AMZ1: variants seen among roughly 807,000 people sequenced by gnomAD.
AMZ1 encodes archaemetzincin-1.
Under a neutral mutation model 29.9 loss-of-function variants are expected in AMZ1, and 39 were observed. That is an observed-to-expected ratio of 1.30 (90% CI 1.01 to 1.70). AMZ1 has a LOEUF of 1.70. Ranked by LOEUF, AMZ1 falls within the 40% of genes most tolerant of loss-of-function variation. The probability of loss-of-function intolerance (pLI) is 0.00; values close to 1 mark genes in which losing one functional copy is unlikely to be tolerated. For synonymous variants in AMZ1, 458 were observed against 304.0 expected, an observed-to-expected ratio of 1.51 and a Z score of -5.27; for missense variants, 1,041 against 680.6, an observed-to-expected ratio of 1.53 and a Z score of -5.89.
intron 1 of AMZ1, among the ~76,000 whole-genome samples, chr7:2,689,519 T>C (rs1286602517): frequency 6.6e-6 from 1 of 152,192 alleles, no homozygotes. Flanking sequence ...TCCTACCCCC[T>C]GTCCCCGTCA....
upstream of AMZ1, among the ~76,000 whole-genome samples, chr7:2,760,153 C>T (rs1791489332): frequency 1.3e-5 from 2 of 152,246 alleles, no homozygotes; most frequent in South Asian, 4.1e-4. Flanking sequence ...GATGGACGTG[C>T]TTTCTTCCCA....
At chr7:2,682,857 C>A (rs952087523) in intron 1 of AMZ1, among the ~76,000 whole-genome samples, 1 of 152,244 alleles carries the variant, frequency 6.6e-6, no homozygotes, top group Non-Finnish European at 1.5e-5. Flanking sequence ...ACAGGGAGGC[C>A]TGTGCTCGCA....
intron 1 of AMZ1, among the ~76,000 whole-genome samples, chr7:2,691,057 C>T (rs1484793258): frequency 2.1e-5 from 3 of 140,848 alleles, no homozygotes; most frequent in Non-Finnish European, 3.0e-5. Flanking sequence ...ATGAGAATCG[C>T]TTGAACCCTG....
At position 2,680,586 on chromosome 7, in the gene AMZ1, T is replaced by G. The variant is rs139265568; in HGVS notation, c.-219+915T>G. Among the ~76,000 whole-genome samples, 39 of 152,316 alleles carry G rather than the reference T, an allele frequency of 2.6e-4. 1 individual carries two copies. The highest frequency in any genetic ancestry group is 9.1e-4 in the African/African-American group (38 of 41,574). ...AAGGAGTAGGGGCTCCGTCCTCATTTTCACCCCCGACCCCAGCTCCGACTA... is the reference window on the plus strand; with the variant it reads ...AAGGAGTAGGGGCTCCGTCCTCATTGTCACCCCCGACCCCAGCTCCGACTA... On this transcript the variant is annotated intron_variant, in intron 1 of 6. Transcript: ENST00000312371.
At position 2,713,256 on chromosome 7, in the gene AMZ1, C is replaced by T. The variant is rs986896580; in HGVS notation, c.*378C>T. On this transcript the variant is annotated 3_prime_UTR_variant, in exon 7 of 7. Transcript: ENST00000683327. ...GACTGTCTCCAGAAAAAAAAAAGTT[C>T]TTTGGAGAAGCCACAGACCACCTGT... is the stretch of plus-strand genomic sequence containing the variant. 3.3e-4 allele frequency: 53 copies of T among 161,004 alleles called. No individual in the cohort carries two copies. The highest frequency in any genetic ancestry group is 6.5e-4 in the Admixed American group (10 of 15,482). The allele number at this position is 161,004 out of a possible 1,614,324, so 10.0% of individuals were successfully genotyped here.
Position 2,700,729 on chromosome 7 carries a change from G to A in AMZ1, c.278G>A (p.Arg93Gln), listed in dbSNP as rs528244160. The change falls in exon 2 of 7, where the codon CGG becomes CAG. Residue 93 changes from arginine (R) to glutamine (Q), a missense_variant. Arg to Gln is a conservative substitution (Grantham distance 43). Transcript: ENST00000683327. ...SLQHRKPRLARKHIYLQPIDL... is the reference protein window; with the variant it reads ...SLQHRKPRLAQKHIYLQPIDL... ...CAGCACCGGAAGCCCCGCCTGGCTC[G>A]GAAGCACATCTACCTACAGCCGATA... The A allele has an allele frequency of 1.6e-5, 26 of 1,612,960 alleles. No homozygotes were observed. Among genetic ancestry groups the A allele is most frequent in the African/African-American group, 1.1e-4 (8 of 75,038 alleles).
At chr7:2,694,830 G>A (rs910937742) in intron 1 of AMZ1, among the ~76,000 whole-genome samples, 7 of 151,858 alleles carry the variant, frequency 4.6e-5, no homozygotes, top group East Asian at 1.9e-4. Flanking sequence ...GTGCCACCAC[G>A]CCTGGCTAAT....
chr7:2,706,075 C>T (rs763067483), intron 3 of AMZ1, among the ~76,000 whole-genome samples: 25 of 152,190 alleles, frequency 1.6e-4, no homozygotes, highest in Admixed American at 2.6e-4. Context: ...AGAAGGTGCA[C>T]GGGGGAGCCC....
In AMZ1 at chr7:2,712,361, G is replaced by T; in HGVS notation, c.980G>T (p.Gly327Val). Residue 327 changes from glycine to valine, a missense_variant, in exon 7 of 7, where the codon GGG becomes GTG. Transcript: ENST00000683327. ...TACACCTGGACTCAGGCGGTGGTGG[G>T]GACGTGGCCCAGCCAGGAGGCGGGG... ...RLYTWTQAVV[G>V]TWPSQEAGEP... 6.2e-7 allele frequency: 1 copy of T among 1,601,450 alleles called. No individual in the cohort carries two copies. Among genetic ancestry groups the T allele is most frequent in the Non-Finnish European group, 8.5e-7 (1 of 1,173,604 alleles).
At chr7:2,749,796 G>C (rs2115356789) in intron 4 of AMZ1, among the ~76,000 whole-genome samples, 1 of 152,140 alleles carries the variant, frequency 6.6e-6, no homozygotes, top group South Asian at 2.1e-4. Context: ...TAAGAGACTG[G>C]GGATGAGAGA....
chr7:2,754,804 C>T (rs1233801744), intron 4 of AMZ1, among the ~76,000 whole-genome samples: 4 of 152,092 alleles, frequency 2.6e-5, no homozygotes, highest in East Asian at 3.9e-4. Flanking sequence ...CAAAAATGAC[C>T]GTTTCTCAAA....
intron 1 of AMZ1, among the ~76,000 whole-genome samples, chr7:2,692,569 C>A (rs772630236): frequency 6.6e-6 from 1 of 151,888 alleles, no homozygotes; most frequent in Admixed American, 6.6e-5. Context: ...TAAAGAGGAC[C>A]AAGCTCATGC....
At chr7:2,685,090 T>C (rs58835444), upstream of AMZ1, among the ~76,000 whole-genome samples, 2,890 of 151,602 alleles carry the variant, frequency 0.019, 82 homozygotes, top group African/African-American at 0.059. Flanking sequence ...AGGATGGTCT[T>C]GATCTTCTGA....
upstream of AMZ1, among the ~76,000 whole-genome samples, chr7:2,683,408 ACTTT>A (rs1456882092): frequency 6.6e-6 from 1 of 151,290 alleles, no homozygotes; most frequent in Non-Finnish European, 1.5e-5. Context: ...TGTGTCTTCA[ACTTT>A]CTGTTTTTTT....
rs184451550 is a variant in AMZ1, at chr7:2,700,950, C to T, written c.304+195C>T. Among the ~76,000 whole-genome samples, 21 of 152,294 alleles carry T rather than the reference C, an allele frequency of 1.4e-4. 1 individual carries two copies. The highest frequency in any genetic ancestry group is 3.4e-4 in the African/African-American group (14 of 41,554). Reference sequence around the variant, plus strand: ...TCCTTCCTCCCACCCCATCCTGACACGATGCTCAGACGGCCCAGGCTCTGG... The same window carrying T: ...TCCTTCCTCCCACCCCATCCTGACATGATGCTCAGACGGCCCAGGCTCTGG... On this transcript the variant is annotated intron_variant, in intron 2 of 6. Transcript: ENST00000683327.
At chr7:2,705,273 C>G (rs1285351198) in intron 3 of AMZ1, among the ~76,000 whole-genome samples, 1 of 152,180 alleles carries the variant, frequency 6.6e-6, no homozygotes, top group Non-Finnish European at 1.5e-5. Context: ...CCTCCCAGGG[C>G]AGGAAGCATG....
chr7:2,737,079 T>A (rs571837419), intron 4 of AMZ1, among the ~76,000 whole-genome samples: 1 of 152,240 alleles, frequency 6.6e-6, no homozygotes, highest in East Asian at 1.9e-4. Context: ...ACAGCCCATG[T>A]GTGGGTCCCA....
At chr7:2,749,441 C>G (rs1000987511) in intron 4 of AMZ1, among the ~76,000 whole-genome samples, 1 of 145,888 alleles carries the variant, frequency 6.9e-6, no homozygotes, top group East Asian at 2.0e-4. Context: ...TGTTCTCACT[C>G]ATAGGTGGGA....
intron 4 of AMZ1, among the ~76,000 whole-genome samples, chr7:2,753,175 G>C (rs796476704): frequency 2.0e-5 from 3 of 151,714 alleles, no homozygotes; most frequent in African/African-American, 4.8e-5. Flanking sequence ...TAAAAAAAGA[G>C]ACAGGGTCTT....
Sources: allele counts gnomAD v4.1 joint callset (sites outside exome capture counted in the v4.1 genomes callset), GRCh38; gene constraint gnomAD v4.1.1; transcripts MANE v1.5; gene names NCBI Gene and HGNC (gene_info 2026-07-23, HGNC 2026-07-21).